THEMIS: variants seen among roughly 807,000 people sequenced by gnomAD.
THEMIS encodes protein THEMIS.
Under a neutral mutation model 52.6 loss-of-function variants are expected in THEMIS, and 37 were observed. The ratio of observed to expected loss-of-function variants is 0.70; its 90% confidence interval spans 0.54 to 0.93. THEMIS has a LOEUF of 0.93. THEMIS is among the 40% of genes least tolerant of loss of function. THEMIS has a pLI of 0.00. For missense variants in THEMIS, 808 were observed against 763.1 expected, an observed-to-expected ratio of 1.06 and a Z score of -0.69; for synonymous variants, 292 against 272.7, an observed-to-expected ratio of 1.07 and a Z score of -0.70.
chr6:127,704,480 T>C (rs1244968454), downstream of THEMIS, among the ~76,000 whole-genome samples: 1 of 152,220 alleles, frequency 6.6e-6, no homozygotes, highest in Non-Finnish European at 1.5e-5. Flanking sequence ...GGAGAATTAC[T>C]GTGCAATCCT....
rs898300942 is a variant in THEMIS at position 127,736,181 on chromosome 6, C to T, written c.1759-16358G>A. 9.1e-4 allele frequency among the ~76,000 whole-genome samples: 139 copies of T among 152,130 alleles called. 3 individuals carry two copies. Among genetic ancestry groups the T allele is most frequent in the South Asian group, 6.2e-4 (3 of 4,820 alleles). ...ACAAAACATTTAGACATTTCATTTC[C>T]TTTTGGGGTTTTAGTGATACATGTT... On this transcript the variant is annotated intron_variant, in intron 4 of 5. Coordinates refer to ENST00000368248, the MANE Select transcript of THEMIS (RefSeq NM_001010923.3).
chr6:127,898,900 T>C (rs1376520890), intron 1 of THEMIS, among the ~76,000 whole-genome samples: 1 of 151,702 alleles, frequency 6.6e-6, no homozygotes, highest in Admixed American at 6.6e-5. Context: ...TCTCATTAAT[T>C]TGTGGGAGCT....
intron 4 of THEMIS, among the ~76,000 whole-genome samples, chr6:127,737,149 C>T (rs1391658734): frequency 1.3e-5 from 2 of 152,106 alleles, no homozygotes; most frequent in Admixed American, 1.3e-4. Flanking sequence ...TTGGCAACTA[C>T]CTTTCAGAGT....
At position 127,887,464 on chromosome 6, in the gene THEMIS, T is replaced by C. The variant is rs1780680424; in HGVS notation, c.91+13378A>G. On this transcript the variant is annotated intron_variant, in intron 1 of 5. Transcript: ENST00000368248. ...TTGCAATCATGAAACAATCTGAGTG[T>C]CCATCAACTGGTGTTAAACGAAATG... Among the ~76,000 whole-genome samples the C allele has an allele frequency of 2.0e-5, 3 of 152,214 alleles. No individual in the cohort carries two copies. The South Asian group carries it at 6.2e-4, about 32-fold the overall frequency.
intron 1 of THEMIS, among the ~76,000 whole-genome samples, chr6:127,856,544 C>T (rs1296644056): frequency 6.6e-6 from 1 of 151,934 alleles, no homozygotes; most frequent in Non-Finnish European, 1.5e-5. Context: ...AAGTCAGCTT[C>T]CCAGGCAGAG....
At chr6:127,785,000 TATC>T (rs1346520394) in intron 4 of THEMIS, among the ~76,000 whole-genome samples, 2 of 107,014 alleles carry the variant, frequency 1.9e-5, no homozygotes, top group Non-Finnish European at 4.1e-5. Flanking sequence ...TCTATCTATC[TATC>T]TATTATCTAT....
At chr6:127,699,905 A>AT in the THEMIS span, among the ~76,000 whole-genome samples, 7 of 151,858 alleles carry the variant, frequency 4.6e-5, no homozygotes, top group Admixed American at 2.0e-4. Context: ...TTGGGCAAAT[A>AT]TTTTTTTAAA....
At chr6:127,888,478 TG>T (rs1780709874) in intron 1 of THEMIS, among the ~76,000 whole-genome samples, 1 of 152,092 alleles carries the variant, frequency 6.6e-6, no homozygotes, top group Non-Finnish European at 1.5e-5. Context: ...AAAAGGAATT[TG>T]GGCATCAATT....
At position 127,915,586 on chromosome 6, in the gene THEMIS, A is replaced by AAGAGAGAGAGAGAGAG. The variant is rs34353449; in HGVS notation, c.-150+2826_-150+2841dup. 4.1e-3 allele frequency among the ~76,000 whole-genome samples: 575 copies of AAGAGAGAGAGAGAGAG among 140,388 alleles called. 2 individuals are homozygous for AAGAGAGAGAGAGAGAG. The highest frequency in any genetic ancestry group is 0.015 in the African/African-American group (553 of 37,178). 92.1% of individuals were successfully genotyped at this position (140,388 alleles called of 152,430 possible). A position where few individuals can be genotyped will look rare whatever the true frequency, so the allele number is the denominator to read the frequency against. The stretch of plus-strand genomic sequence containing the variant: ...GTGGGGAGAGAGAGGGTCAGAGAGA[A>AAGAGAGAGAGAGAGAG]AGAGAGAGAGAGAGAGAGAGAGAGA... On this transcript the variant is annotated intron_variant, in intron 1 of 6. Coordinates refer to the THEMIS transcript ENST00000368250.
chr6:127,796,273 G>T (rs1376653873), intron 4 of THEMIS, among the ~76,000 whole-genome samples: 1 of 152,106 alleles, frequency 6.6e-6, no homozygotes, highest in African/African-American at 2.4e-5. Context: ...GTGGGTTAAG[G>T]TTTAGAGTTA....
chr6:127,747,985 T>C (rs754508433), intron 4 of THEMIS, among the ~76,000 whole-genome samples: 1 of 152,092 alleles, frequency 6.6e-6, no homozygotes, highest in Admixed American at 6.6e-5. Flanking sequence ...ATAACAACTG[T>C]TGAAAATGAA....
chr6:127,799,653 C>T (rs1464369148), intron 4 of THEMIS, among the ~76,000 whole-genome samples: 5 of 150,736 alleles, frequency 3.3e-5, no homozygotes, highest in Non-Finnish European at 2.9e-5. Context: ...TTCACTAGTA[C>T]CCAGTTTCCC....
At chr6:127,789,262 C>G (rs905906223) in intron 4 of THEMIS, among the ~76,000 whole-genome samples, 3 of 152,132 alleles carry the variant, frequency 2.0e-5, no homozygotes, top group Non-Finnish European at 4.4e-5. Context: ...TGCAAATAAA[C>G]TAGAAAATCT....
At chr6:127,748,625 G>A (rs1775531902) in intron 4 of THEMIS, among the ~76,000 whole-genome samples, 3 of 151,888 alleles carry the variant, frequency 2.0e-5, no homozygotes, top group Admixed American at 1.3e-4. Context: ...CGTAACAAAG[G>A]CTCTGCTTTA....
chr6:127,891,763 G>A (rs776210080), intron 1 of THEMIS, among the ~76,000 whole-genome samples: 4 of 152,050 alleles, frequency 2.6e-5, no homozygotes, highest in Non-Finnish European at 5.9e-5. Context: ...ATCAGGTCTT[G>A]TCAGTCTGCT....
rs113007928 is a variant in THEMIS at position 127,729,316 on chromosome 6, C to CA, written c.1759-9494dup. ...TGTTACCTGGTGACATGTGGTTCCT[C>CA]AGTGTTGCTCAGTTTTTCCAAGGAT... is the stretch of plus-strand genomic sequence containing the variant. On this transcript the variant is annotated intron_variant, in intron 4 of 5. Coordinates refer to ENST00000368248, the MANE Select transcript of THEMIS (RefSeq NM_001010923.3). Among the ~76,000 whole-genome samples, 30 of 152,222 alleles carry CA rather than the reference C, an allele frequency of 2.0e-4. 1 individual carries two copies. Among genetic ancestry groups the CA allele is most frequent in the African/African-American group, 7.2e-4 (30 of 41,544 alleles).
At chr6:127,731,352 C>T (rs1774785864) in intron 4 of THEMIS, among the ~76,000 whole-genome samples, 1 of 151,886 alleles carries the variant, frequency 6.6e-6, no homozygotes, top group South Asian at 2.1e-4. Flanking sequence ...ATTATTGAAA[C>T]ATAATCACGT....
chr6:127,867,643 A>G (rs1454143099), intron 1 of THEMIS, among the ~76,000 whole-genome samples: 1 of 152,128 alleles, frequency 6.6e-6, no homozygotes, highest in South Asian at 2.1e-4. Context: ...AAGCTACACA[A>G]TATCATCTTT....
At chr6:127,730,709 A>C (rs138664842) in intron 4 of THEMIS, among the ~76,000 whole-genome samples, 176 of 152,316 alleles carry the variant, frequency 1.2e-3, no homozygotes, top group African/African-American at 3.6e-3. Flanking sequence ...TCAGCAATGA[A>C]AGCATATAAC....
Sources: allele counts gnomAD v4.1 joint callset (sites outside exome capture counted in the v4.1 genomes callset), GRCh38; gene constraint gnomAD v4.1.1; transcripts MANE v1.5; gene names NCBI Gene and HGNC (gene_info 2026-07-23, HGNC 2026-07-21).